Variants in SETD7 observed in about 807,000 individuals in gnomAD.
SETD7 encodes the protein histone-lysine N-methyltransferase SETD7.
A neutral mutation model predicts 41.8 loss-of-function variants in SETD7; 16 were observed. The ratio of observed to expected loss-of-function variants is 0.38; its 90% CI spans 0.26 to 0.58. The LOEUF is 0.58. SETD7 is among the 20% of genes least tolerant of loss of function. The pLI, the probability that SETD7 is intolerant of heterozygous loss-of-function variation, is 0.64. For missense variants in SETD7, 346 were observed against 459.7 expected, an observed-to-expected ratio of 0.75 and a Z score of 2.26; for synonymous variants, 163 against 169.7, an observed-to-expected ratio of 0.96 and a Z score of 0.31.
intron 3 of SETD7, chr4:139,532,844 G>A (rs995354109): frequency 2.5e-6 from 1 of 401,196 alleles, no homozygotes; most frequent in South Asian, 3.5e-5. Context: ...CTCCCTCTAT[G>A]TGCCAAAAGA....
intron 2 of SETD7, among the ~76,000 whole-genome samples, chr4:139,540,366 T>C (rs761477136): frequency 1.3e-4 from 19 of 151,976 alleles, no homozygotes; most frequent in Non-Finnish European, 2.5e-4. Context: ...TTCACAACTA[T>C]GGCTGATGAG....
chr4:139,517,912 G>A lies in SETD7; in HGVS notation c.893C>T (p.Ser298Phe), dbSNP rs1369048996. The change falls in exon 7 of 8, where the codon TCC (serine) becomes TTC (phenylalanine). Residue 298 changes from serine (S) to phenylalanine (F), a missense_variant. This residue lies in a region of SETD7 where 266 missense variants were observed against 377.0 expected (regional missense o/e 0.71). Transcript: ENST00000274031. ...ATCGTAGATGCAGTTTGGAGTGAAG[G>A]AGTGATTTGCCTTGTGTCCCAAGGA... ...CASLGHKANH[S>F]FTPNCIYDMF... The A allele has an allele frequency of 1.9e-6, 3 of 1,613,744 alleles. No homozygotes were observed. In the South Asian group the frequency reaches 3.3e-5, roughly 18 times the overall value.
At position 139,506,471 on chromosome 4, in the gene SETD7, CTT is replaced by C. The variant is rs1726706303; in HGVS notation, c.*5190_*5191del. The C allele has an allele frequency of 6.6e-6, 1 of 152,530 alleles. No individual in the cohort carries two copies. Among genetic ancestry groups the C allele is most frequent in the Non-Finnish European group, 1.5e-5 (1 of 68,030 alleles). The allele number at this position is 152,530 out of a possible 1,614,324, so 9.4% of individuals were successfully genotyped here. ...AGAACATAGAACACCCAGGAGGAAA[CTT>C]TTGAAGAAGGGAGCTCAGAATCATG... On this transcript the variant is annotated 3_prime_UTR_variant, in exon 8 of 8. Transcript: ENST00000274031.
chr4:139,543,756 T>C (rs1260352214), intron 2 of SETD7, among the ~76,000 whole-genome samples: 1 of 143,952 alleles, frequency 6.9e-6, no homozygotes, highest in East Asian at 2.1e-4. Flanking sequence ...ATCAAGACCA[T>C]CCTGGCTAAC....
chr4:139,532,381 G>A (rs1727508077), intron 3 of SETD7, among the ~76,000 whole-genome samples: 1 of 152,224 alleles, frequency 6.6e-6, no homozygotes, highest in South Asian at 2.1e-4. Flanking sequence ...GGAGGTTGTA[G>A]TGAGCCAAGA....
At chr4:139,533,546 G>C (rs1349734956) in intron 2 of SETD7, among the ~76,000 whole-genome samples, 180 bp from the exon 3 acceptor site, 2 of 152,196 alleles carry the variant, frequency 1.3e-5, no homozygotes, top group Non-Finnish European at 2.9e-5. Flanking sequence ...GGGTAAGACT[G>C]AGAAGAAAGA....
downstream of SETD7, among the ~76,000 whole-genome samples, chr4:139,495,523 A>T (rs555085117): frequency 1.7e-3 from 257 of 152,312 alleles, 1 homozygote; most frequent in Non-Finnish European, 2.7e-3. Flanking sequence ...AATCACGGCA[A>T]AAGGCAAAGA....
At chr4:139,501,561 C>T (rs565018863), downstream of SETD7, among the ~76,000 whole-genome samples, 3 of 151,934 alleles carry the variant, frequency 2.0e-5, no homozygotes, top group Non-Finnish European at 4.4e-5. Context: ...CAAAAAACCA[C>T]TTGTACCCCA....
rs1553932909 is a variant in SETD7 at position 139,506,395 on chromosome 4, T to C, written c.*5268A>G. ...ATGCTGAAAGCATACCCCTGGCTTC[T>C]ACTTCTTCAACATACCTCACAACCT... On this transcript the variant is annotated 3_prime_UTR_variant, in exon 8 of 8. Transcript: ENST00000274031. The C allele has an allele frequency of 6.5e-6, 1 of 152,678 alleles. No individual in the cohort carries two copies. The highest frequency in any genetic ancestry group is 1.5e-5 in the Non-Finnish European group (1 of 68,048). 9.5% of individuals were successfully genotyped at this position (152,678 alleles called of 1,614,324 possible).
intron 5 of SETD7, among the ~76,000 whole-genome samples, chr4:139,521,714 T>C (rs1464358561): frequency 6.6e-6 from 1 of 152,212 alleles, no homozygotes; most frequent in East Asian, 1.9e-4. Context: ...TGATCTGCTT[T>C]GCTGGTAGAA....
chr4:139,518,157 T>C, intron 6 of SETD7, 115 bp from the exon 7 acceptor site: 1 of 1,137,894 alleles, frequency 8.8e-7, no homozygotes, highest in Non-Finnish European at 1.2e-6. Context: ...AGACAGGGTC[T>C]CACTCTGTCA....
At chr4:139,537,360 C>T (rs1727667658) in intron 2 of SETD7, among the ~76,000 whole-genome samples, 1 of 152,148 alleles carries the variant, frequency 6.6e-6, no homozygotes. Context: ...AAAGTGGGTA[C>T]ATAGAAATAG....
At chr4:139,517,247 G>A (rs1471180325) in intron 7 of SETD7, among the ~76,000 whole-genome samples, 1 of 152,178 alleles carries the variant, frequency 6.6e-6, no homozygotes, top group Non-Finnish European at 1.5e-5. Context: ...GGCCGAGGCT[G>A]GTGGATCACC....
intron 7 of SETD7, among the ~76,000 whole-genome samples, chr4:139,512,752 C>CTTTT (rs140570195): frequency 3.6e-4 from 27 of 75,528 alleles, no homozygotes; most frequent in South Asian, 6.0e-4. Context: ...TTTTCTTATT[C>CTTTT]TTTTTTTTTT....
chr4:139,542,287 A>C (rs565500139), intron 2 of SETD7, among the ~76,000 whole-genome samples: 16 of 152,190 alleles, frequency 1.1e-4, no homozygotes, highest in Non-Finnish European at 1.6e-4. Context: ...AACAGGTACA[A>C]AGTTACAGTT....
intron 7 of SETD7, among the ~76,000 whole-genome samples, chr4:139,498,324 T>A (rs1299654674): frequency 6.6e-6 from 1 of 152,106 alleles, no homozygotes; most frequent in Non-Finnish European, 1.5e-5. Context: ...TTCTTAGGCC[T>A]CTTCCACTCC....
In SETD7 at chr4:139,529,080, G is replaced by T. The variant is rs1253886686; in HGVS notation, c.513C>A (p.Thr171=). Reference sequence around the variant, plus strand: ...GCCTCCCTTCTTCAGTGGACATAAGGGTAGCCAGTTTGCCTTCTATCATCT... The same window carrying T: ...GCCTCCCTTCTTCAGTGGACATAAGTGTAGCCAGTTTGCCTTCTATCATCT... The part of the protein sequence containing the change: ...DGEMIEGKLA[T]LMSTEEGRPH... Residue 171 remains threonine, a synonymous_variant, in exon 4 of 8, where the codon ACC becomes ACA. Transcript: ENST00000274031. 1 of 1,613,878 alleles carries T rather than the reference G, an allele frequency of 6.2e-7. No individual in the cohort carries two copies. Among genetic ancestry groups the T allele is most frequent in the African/African-American group, 1.3e-5 (1 of 74,872 alleles).
In SETD7 at chr4:139,511,820, G is replaced by A; in HGVS notation, c.944C>T (p.Pro315Leu). ...TCTCAGGGTGCGGATGCATTTGATGGGCCCAAAACGGGGGTGGACAAACCT... is the reference window on the plus strand; with the variant it reads ...TCTCAGGGTGCGGATGCATTTGATGAGCCCAAAACGGGGGTGGACAAACCT... ...YDMFVHPRFG[P>L]IKCIRTLRAV... The change falls in exon 8 of 8, where the codon CCC becomes CTC. Residue 315 changes from proline to leucine, a missense_variant. Pro to Leu is a moderately conservative substitution (Grantham distance 98). Transcript: ENST00000274031. 2 of 1,612,986 alleles carry A rather than the reference G, an allele frequency of 1.2e-6. No homozygotes were observed. Among genetic ancestry groups the A allele is most frequent in the Non-Finnish European group, 1.7e-6 (2 of 1,179,630 alleles).
In SETD7 at chr4:139,556,190, C is replaced by G; in HGVS notation, c.-53G>C. On this transcript the variant is annotated 5_prime_UTR_variant, in exon 1 of 8. Coordinates refer to ENST00000274031, the MANE Select transcript of SETD7 (RefSeq NM_030648.4). Reference sequence around the variant, plus strand: ...GGCTGCGCGGCTGCCTCCCGTCCCTCTGGGTGCTCCCGGCGGCTGAGCGAG... The same window carrying G: ...GGCTGCGCGGCTGCCTCCCGTCCCTGTGGGTGCTCCCGGCGGCTGAGCGAG... The G allele has an allele frequency of 6.4e-7, 1 of 1,554,382 alleles. No individual in the cohort carries two copies. Among genetic ancestry groups the G allele is most frequent in the Non-Finnish European group, 8.7e-7 (1 of 1,149,210 alleles).
Sources: allele counts gnomAD v4.1 joint callset (sites outside exome capture counted in the v4.1 genomes callset), GRCh38; gene constraint gnomAD v4.1.1; regional missense constraint gnomAD v4.1.1; transcripts MANE v1.5; gene names NCBI Gene and HGNC (gene_info 2026-07-23, HGNC 2026-07-21).